The following PRKN variants were observed in gnomAD, a reference collection of about 807,000 sequenced individuals.
PRKN encodes the protein parkin RBR E3 ubiquitin protein ligase, also known as E3 ubiquitin-protein ligase parkin.
Under a neutral mutation model 59.5 loss-of-function variants are expected in PRKN, and 56 were observed. The ratio of observed to expected loss-of-function variants is 0.94; its 90% CI spans 0.76 to 1.18. The LOEUF (loss-of-function observed/expected upper bound fraction) is 1.18, where lower values mean the gene tolerates loss of function less well. Ranked by LOEUF, PRKN falls within the 50% of genes most tolerant of loss-of-function variation. The pLI, the probability that PRKN is intolerant of heterozygous loss-of-function variation, is 0.00. For missense variants in PRKN, 657 were observed against 596.4 expected (o/e 1.10, Z -1.06); for synonymous variants, 250 against 222.1 (o/e 1.13, Z -1.12).
Position 162,547,349 on chromosome 6 carries a change from TTGTTTCTC to T in PRKN, c.8-103884_8-103877del. Among the ~76,000 whole-genome samples, 6 of 152,336 alleles carry T rather than the reference TTGTTTCTC, an allele frequency of 3.9e-5. No homozygotes were observed. In the East Asian group the frequency reaches 1.2e-3, roughly 29 times the overall value. ...AGGGCATGGCAAGATTTACTAAGTC[TTGTTTCTC>T]ATGTTACAGCCAAATTTTATCAAAG... On this transcript the variant is annotated intron_variant, in intron 1 of 11. Coordinates refer to ENST00000366898, the MANE Select transcript of PRKN (RefSeq NM_004562.3).
rs1311622338 is a variant in PRKN at position 161,352,528 on chromosome 6, A to G, written c.1286-2317T>C. Among the ~76,000 whole-genome samples the G allele has an allele frequency of 6.6e-6, 1 of 151,778 alleles. No homozygotes were observed. Among genetic ancestry groups the G allele is most frequent in the Non-Finnish European group, 1.5e-5 (1 of 67,930 alleles). The stretch of plus-strand genomic sequence containing the variant: ...CATTATAAAACCACTTGTTTCTCTA[A>G]AATATCATAAATATTTTATCATATC... On this transcript the variant is annotated intron_variant, in intron 11 of 11. Coordinates refer to ENST00000366898, the MANE Select transcript of PRKN (RefSeq NM_004562.3). This position sits in a 1 kb window ranked among gnomAD's most constrained non-coding sequence, Gnocchi z 5.8.
At chr6:161,430,367 G>C (rs532867297) in intron 9 of PRKN, among the ~76,000 whole-genome samples, 1 of 152,282 alleles carries the variant, frequency 6.6e-6, no homozygotes, top group African/African-American at 2.4e-5. Context: ...AGTTCAACAT[G>C]AGTTTTGGAG....
At chr6:161,591,046 A>G (rs1781703654) in intron 7 of PRKN, among the ~76,000 whole-genome samples, 1 of 152,224 alleles carries the variant, frequency 6.6e-6, no homozygotes, top group Non-Finnish European at 1.5e-5. Flanking sequence ...CTGTGGTTAC[A>G]TAACAGATTA....
rs536420706 is a variant in PRKN at position 162,663,680 on chromosome 6, G to A, written c.7+63982C>T. ...GAGGAGTAAAGCAACAAGTTAGATT[G>A]GGGATTAAGTGGGCTTCAGTTTCCT... On this transcript the variant is annotated intron_variant, in intron 1 of 11. Coordinates refer to ENST00000366898, the MANE Select transcript of PRKN (RefSeq NM_004562.3). 2.0e-5 allele frequency among the ~76,000 whole-genome samples: 3 copies of A among 152,182 alleles called. No individual in the cohort carries two copies. In the South Asian group the frequency reaches 6.2e-4, roughly 32 times the overall value.
At chr6:161,814,226 A>C (rs1453797732) in intron 6 of PRKN, among the ~76,000 whole-genome samples, 2 of 152,192 alleles carry the variant, frequency 1.3e-5, no homozygotes, top group South Asian at 4.1e-4. Context: ...TGCTGTTTCC[A>C]TTCCTGTTAA....
intron 2 of PRKN, among the ~76,000 whole-genome samples, chr6:162,417,654 A>G (rs1290710466): frequency 2.0e-5 from 3 of 152,232 alleles, no homozygotes; most frequent in African/African-American, 7.2e-5. Flanking sequence ...CTCAAATGGA[A>G]CATAGCAGGG....
rs191474638 is a variant in PRKN, at chr6:161,856,695, T to C, written c.735-70787A>G. On this transcript the variant is annotated intron_variant, in intron 6 of 11. Transcript: ENST00000366898. ...TTCTGATTCTATGATTTAAAAATCATCCCTGTTCTGAAGCTCTTAAGTATT... is the reference window on the plus strand; with the variant it reads ...TTCTGATTCTATGATTTAAAAATCACCCCTGTTCTGAAGCTCTTAAGTATT... 7.9e-5 allele frequency among the ~76,000 whole-genome samples: 12 copies of C among 152,300 alleles called. No homozygotes were observed. The East Asian group carries it at 2.3e-3, about 30-fold the overall frequency.
intron 6 of PRKN, among the ~76,000 whole-genome samples, chr6:161,891,879 C>T (rs1034734915): frequency 6.6e-6 from 1 of 152,188 alleles, no homozygotes; most frequent in African/African-American, 2.4e-5. Flanking sequence ...CTTCAGAGAT[C>T]ATGCTGTTGC....
intron 6 of PRKN, among the ~76,000 whole-genome samples, chr6:161,961,598 C>T (rs1329343641): frequency 3.3e-5 from 5 of 152,168 alleles, no homozygotes; most frequent in Non-Finnish European, 7.3e-5. Context: ...TTCTGCCTTG[C>T]TTGAACTAGC....
chr6:161,718,333 T>A (rs1487747223), intron 7 of PRKN, among the ~76,000 whole-genome samples: 1 of 151,914 alleles, frequency 6.6e-6, no homozygotes, highest in African/African-American at 2.4e-5. Context: ...GCACTAAACA[T>A]CATTCGCCTA....
Position 161,920,762 on chromosome 6 carries a change from C to A in PRKN, c.734+52540G>T, listed in dbSNP as rs1778754886. ...CCAAGATAGCGCCACTGCACTCCAG[C>A]CTGGCAACAGAGTGAGACTGTCTAA... On this transcript the variant is annotated intron_variant, in intron 6 of 11. Coordinates refer to ENST00000366898, the MANE Select transcript of PRKN (RefSeq NM_004562.3). Among the ~76,000 whole-genome samples, 3 of 151,534 alleles carry A rather than the reference C, an allele frequency of 2.0e-5. No homozygotes were observed. The South Asian group carries it at 6.3e-4, about 32-fold the overall frequency.
intron 6 of PRKN, among the ~76,000 whole-genome samples, chr6:161,839,547 A>C (rs1460961554): frequency 3.3e-5 from 5 of 152,084 alleles, no homozygotes; most frequent in African/African-American, 7.2e-5. Context: ...CGGGGGTCCC[A>C]CTGACTCTGG....
At position 162,569,246 on chromosome 6, in the gene PRKN, C is replaced by G. The variant is rs1036064214; in HGVS notation, c.8-125773G>C. 1.0e-4 allele frequency: 58 copies of G among 580,074 alleles called. 1 individual carries two copies. The highest frequency in any genetic ancestry group is 4.4e-4 in the South Asian group (27 of 62,008). The allele number at this position is 580,074 out of a possible 1,614,324, so 35.9% of individuals were successfully genotyped here. On this transcript the variant is annotated intron_variant, in intron 1 of 11. Coordinates refer to ENST00000366898, the MANE Select transcript of PRKN (RefSeq NM_004562.3). ...CCAGCCCCAGGCTGAGACTGAGGGC[C>G]TCAAAAGCCAGAGGGCTTCCCTGGA...
At chr6:162,224,515 A>C (rs2128082730) in intron 3 of PRKN, among the ~76,000 whole-genome samples, 1 of 152,262 alleles carries the variant, frequency 6.6e-6, no homozygotes, top group South Asian at 2.1e-4. Context: ...TCAAAAAGTG[A>C]CCCAAGACTG....
intron 2 of PRKN, among the ~76,000 whole-genome samples, chr6:162,329,857 T>C (rs1478293452): frequency 6.6e-6 from 1 of 151,970 alleles, no homozygotes; most frequent in Non-Finnish European, 1.5e-5. Flanking sequence ...ATAATGGAGG[T>C]AAACTAACCT....
At chr6:161,375,542 C>T (rs1785659740) in intron 10 of PRKN, among the ~76,000 whole-genome samples, 1 of 152,174 alleles carries the variant, frequency 6.6e-6, no homozygotes, top group Non-Finnish European at 1.5e-5. Context: ...TAATACTTTG[C>T]AACTTACAAA....
At chr6:161,791,355 C>A (rs1790630380) in intron 6 of PRKN, among the ~76,000 whole-genome samples, 1 of 152,240 alleles carries the variant, frequency 6.6e-6, no homozygotes, top group African/African-American at 2.4e-5. Context: ...ACACAGTGTT[C>A]CAAATATTTA....
Position 161,584,112 on chromosome 6 carries a change from C to T in PRKN, c.872-14696G>A, listed in dbSNP as rs1028723033. Among the ~76,000 whole-genome samples the T allele has an allele frequency of 2.0e-5, 3 of 152,210 alleles. No individual in the cohort carries two copies. Among genetic ancestry groups the T allele is most frequent in the Middle Eastern group, 3.2e-3 (1 of 316 alleles). On this transcript the variant is annotated intron_variant, in intron 7 of 11. Coordinates refer to ENST00000366898, the MANE Select transcript of PRKN (RefSeq NM_004562.3). The surrounding 1 kb of genome is among the most constrained non-coding windows in gnomAD (Gnocchi z 4.8). Reference sequence around the variant, plus strand: ...CCTCCTTGGTTGTATGTGTATTCATCTCTTCTTCCTTCCTGAGATGAAGCT... The same window carrying T: ...CCTCCTTGGTTGTATGTGTATTCATTTCTTCTTCCTTCCTGAGATGAAGCT...
chr6:161,350,289 T>C (rs1471247525), intron 11 of PRKN, 78 bp from the exon 12 acceptor site: 1 of 892,160 alleles, frequency 1.1e-6, no homozygotes, highest in Non-Finnish European at 1.8e-6. Context: ...ACCAGCACGC[T>C]AGCCTAGACA....
Sources: allele counts gnomAD v4.1 joint callset (sites outside exome capture counted in the v4.1 genomes callset), GRCh38; gene constraint gnomAD v4.1.1; non-coding constraint Gnocchi (gnomAD v3.1); transcripts MANE v1.5; gene names NCBI Gene and HGNC (gene_info 2026-07-23, HGNC 2026-07-21).